The following CADM2 variants were observed in gnomAD, a reference collection of about 807,000 sequenced individuals.
CADM2 encodes the protein immunoglobulin superfamily member 4D.
A neutral mutation model predicts 49.8 loss-of-function variants in CADM2; 12 were observed. The ratio of observed to expected loss-of-function variants is 0.24; its 90% CI spans 0.15 to 0.39. CADM2 has a LOEUF of 0.39. CADM2 is among the 10% of genes least tolerant of loss of function. The probability of loss-of-function intolerance (pLI) is 1.00; values close to 1 mark genes in which losing one functional copy is unlikely to be tolerated. For synonymous variants in CADM2, 214 were observed against 175.4 expected (o/e 1.22, Z -1.74); for missense variants, 378 against 492.3 (o/e 0.77, Z 2.20).
chr3:86,042,685 T>C (rs1269312736), intron 8 of CADM2, among the ~76,000 whole-genome samples: 1 of 152,022 alleles, frequency 6.6e-6, no homozygotes, highest in Non-Finnish European at 1.5e-5. Flanking sequence ...TCTGAAACTA[T>C]TCCAATCAAT....
At chr3:85,474,623 A>G (rs2038904561) in intron 1 of CADM2, among the ~76,000 whole-genome samples, 1 of 151,888 alleles carries the variant, frequency 6.6e-6, no homozygotes, top group Non-Finnish European at 1.5e-5. Context: ...ATTTCCTCAA[A>G]TTACATGTTT....
intron 1 of CADM2, among the ~76,000 whole-genome samples, chr3:85,085,131 A>G (rs2037319872): frequency 6.6e-6 from 1 of 152,088 alleles, no homozygotes; most frequent in Non-Finnish European, 1.5e-5. Context: ...ACCATCAACT[A>G]TAGTCACCAA....
intron 1 of CADM2, among the ~76,000 whole-genome samples, chr3:84,976,411 TTAAA>T (rs74267728): frequency 0.083 from 12,549 of 151,714 alleles, 707 homozygotes; most frequent in Admixed American, 0.19. Context: ...TTTAAATAAA[TTAAA>T]TAAAGCATAG....
chr3:85,766,090 G>T (rs1359546248), intron 2 of CADM2, among the ~76,000 whole-genome samples: 2 of 152,064 alleles, frequency 1.3e-5, no homozygotes, highest in African/African-American at 2.4e-5. Flanking sequence ...CTTTTGGCCT[G>T]ATAGTCTGAA....
At chr3:85,545,628 A>G (rs2061651383) in intron 1 of CADM2, among the ~76,000 whole-genome samples, 3 of 152,156 alleles carry the variant, frequency 2.0e-5, no homozygotes, top group African/African-American at 7.2e-5. Flanking sequence ...AGATGCTCTG[A>G]AACTATGAGG....
chr3:85,831,617 C>T (rs945060007), intron 3 of CADM2, among the ~76,000 whole-genome samples: 2 of 151,994 alleles, frequency 1.3e-5, no homozygotes, highest in Admixed American at 6.6e-5. Flanking sequence ...TTTTTGGCCC[C>T]ATGTATGTCT....
At chr3:85,286,792 A>G (rs1483841925) in intron 1 of CADM2, among the ~76,000 whole-genome samples, 1 of 152,156 alleles carries the variant, frequency 6.6e-6, no homozygotes, top group Non-Finnish European at 1.5e-5. Flanking sequence ...TACATATTAA[A>G]TGTATTTCCA....
chr3:85,500,851 G>C (rs2040086580), intron 1 of CADM2, among the ~76,000 whole-genome samples: 1 of 151,998 alleles, frequency 6.6e-6, no homozygotes, highest in Non-Finnish European at 1.5e-5. Context: ...ACTTCCTATT[G>C]TTGAGATTAT....
At chr3:85,910,936 T>C (rs1157873434) in intron 5 of CADM2, among the ~76,000 whole-genome samples, 4 of 152,092 alleles carry the variant, frequency 2.6e-5, no homozygotes, top group Admixed American at 6.5e-5. Context: ...ATTAATCAAA[T>C]GTTACATCAA....
At chr3:85,645,706 A>G (rs1428626670) in intron 1 of CADM2, among the ~76,000 whole-genome samples, 3 of 152,026 alleles carry the variant, frequency 2.0e-5, no homozygotes, top group Non-Finnish European at 4.4e-5. Flanking sequence ...AAGTAAAAAT[A>G]TATAATCTGT....
At chr3:85,495,339 A>G (rs529403354) in intron 1 of CADM2, among the ~76,000 whole-genome samples, 22 of 152,194 alleles carry the variant, frequency 1.4e-4, no homozygotes, top group Admixed American at 6.5e-4. Flanking sequence ...TAACAGATGA[A>G]CCCCTAAATC....
At chr3:85,755,324 A>G (rs1208905321) in intron 2 of CADM2, among the ~76,000 whole-genome samples, 1 of 152,200 alleles carries the variant, frequency 6.6e-6, no homozygotes, top group Non-Finnish European at 1.5e-5. Flanking sequence ...ATTATAAAGA[A>G]TACAACCCAG....
chr3:85,813,091 T>G (rs1347107064), intron 3 of CADM2, among the ~76,000 whole-genome samples: 1 of 152,166 alleles, frequency 6.6e-6, no homozygotes, highest in Non-Finnish European at 1.5e-5. Context: ...GGTCCAATGG[T>G]ATTTCTAGTT....
At position 85,970,095 on chromosome 3, in the gene CADM2, C is replaced by T. The variant is rs564925328; in HGVS notation, c.970+8448C>T. On this transcript the variant is annotated intron_variant, in intron 8 of 9. Transcript: ENST00000383699. ...AAATAATAACCTTTAGTTTTTATCCCATATTGAAAAAAAAAAAGACGTGTT... is the reference window on the plus strand; with the variant it reads ...AAATAATAACCTTTAGTTTTTATCCTATATTGAAAAAAAAAAAGACGTGTT... Among the ~76,000 whole-genome samples the T allele has an allele frequency of 9.5e-5, 14 of 146,678 alleles. 1 individual carries two copies. The highest frequency in any genetic ancestry group is 3.6e-4 in the African/African-American group (14 of 39,128).
At chr3:85,469,889 G>A (rs549331741) in intron 1 of CADM2, among the ~76,000 whole-genome samples, 8 of 152,232 alleles carry the variant, frequency 5.3e-5, no homozygotes, top group African/African-American at 1.7e-4. Flanking sequence ...TGGACAAATA[G>A]AGATACTCTG....
chr3:85,647,673 A>T (rs1168415148), intron 1 of CADM2, among the ~76,000 whole-genome samples: 1 of 151,846 alleles, frequency 6.6e-6, no homozygotes, highest in African/African-American at 2.4e-5. Context: ...CCCACATAGA[A>T]CAAAAGACAA....
rs974160930 is a variant in CADM2 at position 86,072,854 on chromosome 3, T to C, written c.*6071T>C. The C allele has an allele frequency of 8.6e-5, 13 of 152,016 alleles. No homozygotes were observed. Among genetic ancestry groups the C allele is most frequent in the African/African-American group, 2.9e-4 (12 of 41,412 alleles). 9.4% of individuals were successfully genotyped at this position (152,016 alleles called of 1,614,324 possible). ...TTTTTAATGTATGGAATAAATCTCA[T>C]AAATAGAAAGAAAAATAATCTAGAA... is the stretch of plus-strand genomic sequence containing the variant. On this transcript the variant is annotated 3_prime_UTR_variant, in exon 10 of 10. Transcript: ENST00000383699.
intron 1 of CADM2, among the ~76,000 whole-genome samples, chr3:85,489,895 C>A (rs2107644425): frequency 6.6e-6 from 1 of 151,402 alleles, no homozygotes; most frequent in East Asian, 2.0e-4. Context: ...AATGATGAAC[C>A]AAGCTGATAT....
At chr3:85,554,400 G>C (rs1451519204) in intron 1 of CADM2, among the ~76,000 whole-genome samples, 1 of 152,072 alleles carries the variant, frequency 6.6e-6, no homozygotes, top group African/African-American at 2.4e-5. Flanking sequence ...GACCAGTACC[G>C]GTTGGCGGCA....
Sources: allele counts gnomAD v4.1 joint callset (sites outside exome capture counted in the v4.1 genomes callset), GRCh38; gene constraint gnomAD v4.1.1; transcripts MANE v1.5; gene names NCBI Gene and HGNC (gene_info 2026-07-23, HGNC 2026-07-21).